LRP1B: variants seen among roughly 807,000 people sequenced by gnomAD.
The protein encoded by LRP1B is LDL receptor related protein 1B.
In LRP1B, 217 loss-of-function variants were observed where a neutral mutation model predicts 556.6. The observed-to-expected ratio is 0.39, with a 90% CI of 0.35 to 0.44. The LOEUF is 0.44. Among genes scored for constraint, LRP1B ranks in the 20% least tolerant of loss-of-function variants. LRP1B has a pLI of 1.00. For missense variants in LRP1B, 5,053 were observed against 5,620.8 expected (o/e 0.90, Z 3.23); for synonymous variants, 2,047 against 1,865.8 (o/e 1.10, Z -2.50).
intron 1 of LRP1B, among the ~76,000 whole-genome samples, chr2:141,981,254 G>A (rs1702035609): frequency 6.6e-6 from 1 of 152,036 alleles, no homozygotes; most frequent in South Asian, 2.1e-4. Flanking sequence ...TGGCTGGTTG[G>A]GAGCTTGCTC....
intron 11 of LRP1B, among the ~76,000 whole-genome samples, chr2:141,048,680 C>T (rs917859262): frequency 1.3e-5 from 2 of 152,004 alleles, no homozygotes; most frequent in African/African-American, 4.8e-5. Context: ...TTCTACCATA[C>T]AGCACTGTAA....
At chr2:141,306,991 T>C (rs191443345) in intron 3 of LRP1B, among the ~76,000 whole-genome samples, 50 of 152,296 alleles carry the variant, frequency 3.3e-4, no homozygotes, top group Non-Finnish European at 5.7e-4. Context: ...TATATTTTTA[T>C]AAATTTGTTG....
chr2:141,933,998 T>C (rs1004344764), intron 1 of LRP1B, among the ~76,000 whole-genome samples: 2 of 152,002 alleles, frequency 1.3e-5, no homozygotes, highest in Non-Finnish European at 2.9e-5. Context: ...GATGGTAAAA[T>C]TATTTAGCAA....
intron 67 of LRP1B, among the ~76,000 whole-genome samples, chr2:140,380,473 C>T (rs1194818091): frequency 6.6e-6 from 1 of 152,136 alleles, no homozygotes; most frequent in Non-Finnish European, 1.5e-5. Flanking sequence ...GTTGCAGACA[C>T]ATGCAGTTTT....
intron 32 of LRP1B, among the ~76,000 whole-genome samples, chr2:140,778,886 T>C (rs1454352986): frequency 6.6e-6 from 1 of 152,004 alleles, no homozygotes; most frequent in African/African-American, 2.4e-5. Context: ...ATATAGACCA[T>C]TGCCACTGTC....
At chr2:141,102,547 C>CT (rs1700489428) in intron 7 of LRP1B, among the ~76,000 whole-genome samples, 1 of 152,038 alleles carries the variant, frequency 6.6e-6, no homozygotes, top group Non-Finnish European at 1.5e-5. Context: ...CAGATTCTCC[C>CT]TGTTGTCCAC....
At chr2:141,894,733 C>A (rs527856700) in intron 1 of LRP1B, among the ~76,000 whole-genome samples, 25 of 151,676 alleles carry the variant, frequency 1.6e-4, no homozygotes, top group African/African-American at 5.8e-4. Flanking sequence ...AACTTTATAA[C>A]CACCTATATA....
At chr2:141,224,042 TTAAAC>T (rs1234132593) in intron 6 of LRP1B, among the ~76,000 whole-genome samples, 5 of 152,124 alleles carry the variant, frequency 3.3e-5, no homozygotes, top group African/African-American at 9.7e-5. Context: ...TGAGATCTAA[TTAAAC>T]TAAAGAGCTT....
intron 2 of LRP1B, among the ~76,000 whole-genome samples, chr2:141,527,527 A>T (rs528276990): frequency 6.6e-6 from 1 of 152,212 alleles, no homozygotes; most frequent in East Asian, 1.9e-4. Context: ...GCTGATAGAT[A>T]ACTATTTTTC....
At chr2:140,941,383 G>C (rs1447884323) in intron 20 of LRP1B, among the ~76,000 whole-genome samples, 1 of 152,050 alleles carries the variant, frequency 6.6e-6, no homozygotes, top group Non-Finnish European at 1.5e-5. Flanking sequence ...GTCAATACGG[G>C]CAACACAGGT....
chr2:140,313,966 C>T (rs1445604559), intron 83 of LRP1B, among the ~76,000 whole-genome samples: 1 of 151,656 alleles, frequency 6.6e-6, no homozygotes, highest in Non-Finnish European at 1.5e-5. Context: ...CTAACTTTTC[C>T]TATTAGAGTG....
intron 3 of LRP1B, among the ~76,000 whole-genome samples, chr2:141,356,421 TAGAGGA>T (rs1411666055): frequency 2.0e-5 from 3 of 151,978 alleles, no homozygotes; most frequent in African/African-American, 7.2e-5. Flanking sequence ...AATTTCTGAA[TAGAGGA>T]AAAGTGTTCA....
intron 2 of LRP1B, among the ~76,000 whole-genome samples, chr2:141,640,573 G>C (rs1455135527): frequency 6.6e-6 from 1 of 152,110 alleles, no homozygotes; most frequent in African/African-American, 2.4e-5. Flanking sequence ...AGAAGACCAA[G>C]GGTGGGCGGA....
chr2:141,135,719 A>G (rs1212676716), intron 7 of LRP1B, among the ~76,000 whole-genome samples: 1 of 151,940 alleles, frequency 6.6e-6, no homozygotes, highest in African/African-American at 2.4e-5. Context: ...TAATCCAGAC[A>G]ATATTGGACC....
At chr2:140,518,028 G>A (rs1689992302) in intron 49 of LRP1B, among the ~76,000 whole-genome samples, 1 of 151,624 alleles carries the variant, frequency 6.6e-6, no homozygotes, top group African/African-American at 2.4e-5. Flanking sequence ...CTTTTAACTG[G>A]GTGTCATCTG....
At chr2:140,962,624 C>A (rs889391937) in intron 18 of LRP1B, among the ~76,000 whole-genome samples, 1 of 152,102 alleles carries the variant, frequency 6.6e-6, no homozygotes, top group Non-Finnish European at 1.5e-5. Context: ...TACAGAAGGT[C>A]CTGATTTCAC....
At chr2:141,432,233 CTATTAA>C (rs1366362049) in intron 3 of LRP1B, among the ~76,000 whole-genome samples, 3 of 151,954 alleles carry the variant, frequency 2.0e-5, no homozygotes, top group African/African-American at 4.8e-5. Context: ...ACCCTTTATT[CTATTAA>C]TATTAACACT....
chr2:141,874,325 A>G (rs1281612285), intron 1 of LRP1B, among the ~76,000 whole-genome samples: 1 of 151,812 alleles, frequency 6.6e-6, no homozygotes, highest in Non-Finnish European at 1.5e-5. Context: ...AAGCATGGTT[A>G]TTGATGGAAA....
chr2:140,513,853 T>A (rs759083262), intron 51 of LRP1B, among the ~76,000 whole-genome samples: 1 of 151,984 alleles, frequency 6.6e-6, no homozygotes, highest in Non-Finnish European at 1.5e-5. Context: ...CAAAGGCTGA[T>A]GTAATGAGTA....
Sources: allele counts gnomAD v4.1 joint callset (sites outside exome capture counted in the v4.1 genomes callset), GRCh38; gene constraint gnomAD v4.1.1; transcripts MANE v1.5; gene names NCBI Gene and HGNC (gene_info 2026-07-23, HGNC 2026-07-21).